Variants in ATF7IP observed in about 807,000 individuals in gnomAD.
ATF7IP encodes the protein activating transcription factor 7 interacting protein, also known as activating transcription factor 7-interacting protein 1.
Under a neutral mutation model 106.4 loss-of-function variants are expected in ATF7IP, and 23 were observed. The observed-to-expected ratio is 0.22, with a 90% CI of 0.16 to 0.31. The LOEUF (loss-of-function observed/expected upper bound fraction) is 0.31. ATF7IP is among the 10% of genes least tolerant of loss of function. The probability of loss-of-function intolerance (pLI) is 1.00; values close to 1 mark genes in which losing one functional copy is unlikely to be tolerated. For synonymous variants in ATF7IP, 542 were observed against 539.0 expected (o/e 1.01, Z -0.08); for missense variants, 1,334 against 1,524.3 (o/e 0.88, Z 2.08).
intron 1 of ATF7IP, among the ~76,000 whole-genome samples, chr12:14,370,536 G>A (rs1443452778): frequency 6.6e-6 from 1 of 152,062 alleles, no homozygotes; most frequent in Non-Finnish European, 1.5e-5. Flanking sequence ...AAAAAAGCCA[G>A]CTAATGGTTT....
At chr12:14,381,234 C>T (rs937532720) in intron 1 of ATF7IP, among the ~76,000 whole-genome samples, 1 of 152,002 alleles carries the variant, frequency 6.6e-6, no homozygotes, top group Non-Finnish European at 1.5e-5. Context: ...ACTGGTCGTG[C>T]TTATTTATTT....
chr12:14,369,443 T>C (rs1183590354), intron 1 of ATF7IP: 1 of 152,116 alleles, frequency 6.6e-6, no homozygotes, highest in African/African-American at 2.4e-5. Flanking sequence ...TAACCTCTTC[T>C]TGGGTTCCAG....
At position 14,424,688 on chromosome 12, in the gene ATF7IP, A is replaced by T; in HGVS notation, c.773A>T (p.Asp258Val). 1 of 1,614,170 alleles carries T rather than the reference A, an allele frequency of 6.2e-7. No individual in the cohort carries two copies. The highest frequency in any genetic ancestry group is 8.5e-7 in the Non-Finnish European group (1 of 1,180,024). ...DPASDDLASG[D>V]LSSSELASDD... ...GCCTCTGATGATCTGGCCTCTGGTGATCTATCCTCTAGTGAACTGGCCTCT... is the reference window on the plus strand; with the variant it reads ...GCCTCTGATGATCTGGCCTCTGGTGTTCTATCCTCTAGTGAACTGGCCTCT... The change falls in exon 2 of 15, where the codon GAT (aspartate) becomes GTT (valine). Residue 258 changes from aspartate to valine, a missense_variant. Asp to Val is a radical substitution (Grantham distance 152). Around this residue, in one of 10 missense-constraint regions of ATF7IP, gnomAD observed 438 missense variants for 405.3 expected, o/e 1.08. Transcript: ENST00000261168.
intron 9 of ATF7IP, among the ~76,000 whole-genome samples, chr12:14,462,057 G>A (rs959302549): frequency 2.0e-5 from 3 of 152,044 alleles, no homozygotes; most frequent in Non-Finnish European, 4.4e-5. Context: ...AACAATGACG[G>A]TATTTCACAG....
chr12:14,472,267 G>T (rs1944078134), intron 10 of ATF7IP, among the ~76,000 whole-genome samples: 1 of 151,998 alleles, frequency 6.6e-6, no homozygotes, highest in African/African-American at 2.4e-5. Flanking sequence ...TGAGACAAAA[G>T]TTGCCATCAA....
chr12:14,462,691 G>A (rs1177689034), intron 9 of ATF7IP, among the ~76,000 whole-genome samples: 2 of 151,898 alleles, frequency 1.3e-5, no homozygotes, highest in Non-Finnish European at 2.9e-5. Context: ...TCTGGTTGAT[G>A]TACACTATTA....
intron 10 of ATF7IP, among the ~76,000 whole-genome samples, chr12:14,472,608 G>A (rs751245860): frequency 1.8e-4 from 28 of 152,028 alleles, no homozygotes; most frequent in Non-Finnish European, 1.6e-4. Context: ...ATAACATTCA[G>A]CACCACTCAG....
At chr12:14,413,504 C>G (rs1229606508) in intron 1 of ATF7IP, among the ~76,000 whole-genome samples, 1 of 152,072 alleles carries the variant, frequency 6.6e-6, no homozygotes, top group African/African-American at 2.4e-5. Flanking sequence ...TGATGAAATG[C>G]ATAAGAAGGG....
intron 6 of ATF7IP, among the ~76,000 whole-genome samples, 189 bp from the exon 7 acceptor site, chr12:14,456,372 A>T (rs1055351695): frequency 1.3e-5 from 2 of 152,220 alleles, no homozygotes; most frequent in African/African-American, 4.8e-5. Context: ...AAAGTAAATG[A>T]TTTGCTTAAG....
intron 3 of ATF7IP, 90 bp downstream of exon 3, chr12:14,434,513 A>G (rs12815453): frequency 0.035 from 31,041 of 896,542 alleles, 720 homozygotes; most frequent in Non-Finnish European, 0.044. Flanking sequence ...TTTTTTGCCC[A>G]TGAAATAATT....
chr12:14,368,080 A>G (rs909896633), intron 1 of ATF7IP, among the ~76,000 whole-genome samples: 4 of 152,032 alleles, frequency 2.6e-5, no homozygotes, highest in Non-Finnish European at 5.9e-5. Flanking sequence ...TTTTCTTTAA[A>G]TTAGGTTTTG....
At chr12:14,481,264 G>A in intron 13 of ATF7IP, 79 bp downstream of exon 13, 1 of 1,496,894 alleles carries the variant, frequency 6.7e-7, no homozygotes, top group South Asian at 1.2e-5. Context: ...ATATAATAAT[G>A]TTAAATTTTG....
chr12:14,399,450 T>A (rs975015530), intron 1 of ATF7IP, among the ~76,000 whole-genome samples: 4 of 152,144 alleles, frequency 2.6e-5, no homozygotes, highest in Non-Finnish European at 5.9e-5. Flanking sequence ...CTATAATGAT[T>A]TTCTGAAATC....
chr12:14,452,436 A>G (rs1005662080), intron 6 of ATF7IP, among the ~76,000 whole-genome samples: 1 of 150,874 alleles, frequency 6.6e-6, no homozygotes, highest in Non-Finnish European at 1.5e-5. Flanking sequence ...TTTGTGTTTC[A>G]TTGCTTTTTG....
At chr12:14,485,808 T>TTA (rs1944588164) in intron 13 of ATF7IP, among the ~76,000 whole-genome samples, 1 of 152,218 alleles carries the variant, frequency 6.6e-6, no homozygotes, top group Admixed American at 6.5e-5. Context: ...GCAGCTGCAA[T>TTA]TAGAGTCACC....
intron 1 of ATF7IP, among the ~76,000 whole-genome samples, chr12:14,388,378 A>C: frequency 7.4e-6 from 1 of 134,942 alleles, no homozygotes; most frequent in Admixed American, 7.8e-5. Flanking sequence ...ACGGAGTCTC[A>C]CTCTGTCGCT....
intron 1 of ATF7IP, among the ~76,000 whole-genome samples, chr12:14,400,018 C>T (rs1239036132): frequency 3.3e-5 from 5 of 151,744 alleles, no homozygotes; most frequent in Non-Finnish European, 7.4e-5. Context: ...ACCCTAGCTG[C>T]ATTCACAAAT....
At chr12:14,422,046 TAGAG>T (rs1941541384) in intron 1 of ATF7IP, among the ~76,000 whole-genome samples, 1 of 152,142 alleles carries the variant, frequency 6.6e-6, no homozygotes, top group Non-Finnish European at 1.5e-5. Flanking sequence ...AAGCAGCTCT[TAGAG>T]GGAAATTTAT....
intron 13 of ATF7IP, among the ~76,000 whole-genome samples, chr12:14,488,202 G>GCA (rs373588944): frequency 5.9e-4 from 90 of 151,708 alleles, no homozygotes; most frequent in African/African-American, 1.9e-3. Flanking sequence ...ACACACACAT[G>GCA]CACACACACA....
Sources: allele counts gnomAD v4.1 joint callset (sites outside exome capture counted in the v4.1 genomes callset), GRCh38; gene constraint gnomAD v4.1.1; regional missense constraint gnomAD v4.1.1; transcripts MANE v1.5; gene names NCBI Gene and HGNC (gene_info 2026-07-23, HGNC 2026-07-21).